The following OR51E2 variants were observed in gnomAD, a reference collection of about 807,000 sequenced individuals.
OR51E2 encodes the protein olfactory receptor family 51 subfamily E member 2.
In OR51E2, 14 loss-of-function variants were observed where a neutral mutation model predicts 13.7. The ratio of observed to expected loss-of-function variants is 1.02; its 90% CI spans 0.68 to 1.60. The LOEUF (loss-of-function observed/expected upper bound fraction) is 1.60. OR51E2 is among the 40% of genes most tolerant of loss of function. OR51E2 has a pLI of 0.00. For synonymous variants in OR51E2, 180 were observed against 157.6 expected (o/e 1.14, Z -1.07); for missense variants, 483 against 413.8 (o/e 1.17, Z -1.45).
intron 1 of OR51E2, among the ~76,000 whole-genome samples, chr11:4,697,123 A>T (rs1158065163): frequency 6.6e-6 from 1 of 152,230 alleles, no homozygotes; most frequent in African/African-American, 2.4e-5. Context: ...GAGTATCAGA[A>T]GTCTGAAACA....
At position 4,682,312 on chromosome 11, in the gene OR51E2, CTGCAGCATGG is replaced by C; in HGVS notation, c.390_399del (p.His131CysfsTer6). 1 of 1,614,180 alleles carries C rather than the reference CTGCAGCATGG, an allele frequency of 6.2e-7. No individual in the cohort carries two copies. Among genetic ancestry groups the C allele is most frequent in the Non-Finnish European group, 8.5e-7 (1 of 1,180,040 alleles). On this transcript the variant is annotated frameshift_variant, in exon 2 of 2. Coordinates refer to ENST00000396950, the MANE Select transcript of OR51E2 (RefSeq NM_030774.4). LOFTEE classifies it high-confidence loss of function. ...TGGGCTGTTACTGTATTGTTGAGCACTGCAGCATGGCGCAGTGGGTGGCAGATGGCCACAT... is the reference window on the plus strand; with the variant it reads ...TGGGCTGTTACTGTATTGTTGAGCACCGCAGTGGGTGGCAGATGGCCACAT...
chr11:4,695,590 T>C (rs1447726532), intron 1 of OR51E2, among the ~76,000 whole-genome samples: 1 of 152,198 alleles, frequency 6.6e-6, no homozygotes, highest in Non-Finnish European at 1.5e-5. Context: ...AGTAACAATC[T>C]GAATTCTTTC....
chr11:4,697,238 C>G (rs997993162), intron 1 of OR51E2, among the ~76,000 whole-genome samples: 2 of 152,148 alleles, frequency 1.3e-5, no homozygotes, highest in Admixed American at 6.5e-5. Flanking sequence ...TTACTGAAAT[C>G]TACAAGTAAT....
Position 4,681,749 on chromosome 11 carries a change from T to G in OR51E2, c.963A>C (p.Ter321CysextTer13). 6.2e-7 allele frequency: 1 copy of G among 1,613,740 alleles called. No individual in the cohort carries two copies. The highest frequency in any genetic ancestry group is 8.5e-7 in the Non-Finnish European group (1 of 1,179,658). The change falls in exon 2 of 2, where the codon TGA becomes TGC. Residue 321 changes from the stop codon to cysteine (C), a stop_lost. Coordinates refer to ENST00000396950, the MANE Select transcript of OR51E2 (RefSeq NM_030774.4). ...ATAAGGAGAAGTGTAGTGTTAAGGG[T>G]CACTTGCCTCCCACAGCCTGCAAGT... ...DKDLQAVGGK[*>C]
chr11:4,691,093 C>T (rs755403322), intron 1 of OR51E2: 76 of 456,592 alleles, frequency 1.7e-4, no homozygotes, highest in Non-Finnish European at 4.4e-5. Context: ...GAGAACATGG[C>T]AGTCAGCCCA....
chr11:4,689,339 ATAAAAATGC>A, intron 1 of OR51E2, among the ~76,000 whole-genome samples: 1 of 152,338 alleles, frequency 6.6e-6, no homozygotes, highest in South Asian at 2.1e-4. Context: ...ATGTTGGGGA[ATAAAAATGC>A]TAAAAATTAA....
intron 1 of OR51E2, among the ~76,000 whole-genome samples, chr11:4,687,995 T>A (rs913925904): frequency 6.6e-6 from 1 of 152,060 alleles, no homozygotes; most frequent in East Asian, 1.9e-4. Context: ...GGGGAAGCAA[T>A]GAAGCTTAAG....
intron 1 of OR51E2, among the ~76,000 whole-genome samples, chr11:4,688,646 C>T (rs1047854913): frequency 2.6e-5 from 4 of 152,100 alleles, no homozygotes; most frequent in Non-Finnish European, 5.9e-5. Context: ...GGGAAATAGA[C>T]TGTAAAGCAA....
At chr11:4,683,214 A>G (rs1847477983) in intron 1 of OR51E2, among the ~76,000 whole-genome samples, 1 of 152,208 alleles carries the variant, frequency 6.6e-6, no homozygotes, top group African/African-American at 2.4e-5. Context: ...TTCATGAGAA[A>G]GGGAGAGGCA....
chr11:4,695,348 A>G lies in OR51E2; in HGVS notation c.-51+2305T>C, dbSNP rs185657259. ...GCTTTTTTGAAGTCTGCAATACTCAAGTTTTACTCTAACTCAACAATAAAA... is the reference window on the plus strand; with the variant it reads ...GCTTTTTTGAAGTCTGCAATACTCAGGTTTTACTCTAACTCAACAATAAAA... On this transcript the variant is annotated intron_variant, in intron 1 of 1. Transcript: ENST00000396950. 4.9e-3 allele frequency among the ~76,000 whole-genome samples: 743 copies of G among 152,294 alleles called. 1 individual carries two copies. Among genetic ancestry groups the G allele is most frequent in the Non-Finnish European group, 8.1e-3 (553 of 68,014 alleles).
At chr11:4,691,578 A>G (rs1398708320) in intron 1 of OR51E2, 2 of 456,732 alleles carry the variant, frequency 4.4e-6, no homozygotes, top group Admixed American at 4.7e-5. Context: ...GCTGTTTCCC[A>G]AGAGAGCAGT....
intron 1 of OR51E2, among the ~76,000 whole-genome samples, chr11:4,685,540 C>T (rs746640759): frequency 1.3e-5 from 2 of 152,202 alleles, no homozygotes; most frequent in African/African-American, 2.4e-5. Flanking sequence ...TTCTCCATAT[C>T]TTTCCCTAAC....
chr11:4,692,307 T>C (rs996228808), intron 1 of OR51E2: 6 of 305,006 alleles, frequency 2.0e-5, no homozygotes, highest in African/African-American at 1.3e-4. Context: ...CCTTACAATA[T>C]GATACCCGGC....
intron 1 of OR51E2, among the ~76,000 whole-genome samples, chr11:4,694,828 T>C (rs1589876122): frequency 6.6e-6 from 1 of 152,052 alleles, no homozygotes. Context: ...TGTGCATACA[T>C]GAATGTGTCT....
At chr11:4,684,272 T>C (rs1046446992) in intron 1 of OR51E2, among the ~76,000 whole-genome samples, 3 of 152,160 alleles carry the variant, frequency 2.0e-5, no homozygotes, top group Non-Finnish European at 4.4e-5. Flanking sequence ...CATATTTGGC[T>C]CCCAGTTGCT....
intron 1 of OR51E2, among the ~76,000 whole-genome samples, chr11:4,696,215 A>T (rs567073603): frequency 6.6e-5 from 10 of 152,238 alleles, no homozygotes; most frequent in Non-Finnish European, 1.3e-4. Flanking sequence ...ACCCATCATC[A>T]CTCAGTTACT....
At chr11:4,685,065 T>C (rs1274185517) in intron 1 of OR51E2, 1 of 152,214 alleles carries the variant, frequency 6.6e-6, no homozygotes, top group Non-Finnish European at 1.5e-5. Flanking sequence ...CACCTGAGAA[T>C]GGTACAGTCC....
At chr11:4,694,337 A>C (rs1449865723) in intron 1 of OR51E2, among the ~76,000 whole-genome samples, 2 of 151,898 alleles carry the variant, frequency 1.3e-5, no homozygotes, top group African/African-American at 2.4e-5. Flanking sequence ...CTTTACAAGC[A>C]TATCTTCCTG....
intron 1 of OR51E2, among the ~76,000 whole-genome samples, chr11:4,689,501 AT>A (rs1195248606): frequency 4.6e-5 from 7 of 152,202 alleles, no homozygotes; most frequent in Non-Finnish European, 8.8e-5. Context: ...AAGCCTGTAG[AT>A]ACGAATGATT....
Sources: gnomAD v4.1 joint callset for allele counts (sites outside exome capture counted in the v4.1 genomes callset) on GRCh38, gnomAD v4.1.1 for gene constraint, MANE v1.5 for transcripts, NCBI Gene and HGNC (gene_info 2026-07-23, HGNC 2026-07-21) for gene names.